Variants in KCNQ5 observed in about 807,000 individuals in gnomAD.
KCNQ5 encodes the protein potassium voltage-gated channel subfamily Q member 5.
Under a neutral mutation model 98.2 loss-of-function variants are expected in KCNQ5, and 30 were observed. That is an observed-to-expected ratio of 0.31 (90% CI 0.23 to 0.41). KCNQ5 has a LOEUF of 0.41. Among genes scored for constraint, KCNQ5 ranks in the 10% least tolerant of loss-of-function variants. The pLI, the probability that KCNQ5 is intolerant of heterozygous loss-of-function variation, is 1.00. For missense variants in KCNQ5, 835 were observed against 1,182.5 expected (o/e 0.71, Z 4.31); for synonymous variants, 458 against 449.4 (o/e 1.02, Z -0.24).
chr6:72,828,137 T>C (rs776290347), intron 1 of KCNQ5, among the ~76,000 whole-genome samples: 2 of 152,186 alleles, frequency 1.3e-5, no homozygotes, highest in African/African-American at 2.4e-5. Flanking sequence ...TGCAGGTTTG[T>C]AGTATATATT....
intron 1 of KCNQ5, among the ~76,000 whole-genome samples, chr6:72,997,441 T>C (rs896923275): frequency 2.6e-5 from 4 of 152,012 alleles, no homozygotes; most frequent in Admixed American, 2.6e-4. Context: ...TAAAATGCAA[T>C]ATTTCATTCT....
At chr6:73,120,188 A>G (rs1345694033) in intron 7 of KCNQ5, among the ~76,000 whole-genome samples, 3 of 152,080 alleles carry the variant, frequency 2.0e-5, no homozygotes, top group Admixed American at 2.0e-4. Context: ...AGAGATTGCA[A>G]TGAGCTGAGA....
intron 1 of KCNQ5, among the ~76,000 whole-genome samples, chr6:72,886,501 T>C (rs897902916): frequency 6.6e-5 from 10 of 152,032 alleles, no homozygotes; most frequent in Non-Finnish European, 1.5e-5. Context: ...TACAGAATTA[T>C]AAAGAAAAGG....
intron 2 of KCNQ5, among the ~76,000 whole-genome samples, chr6:73,014,713 T>C (rs918793763): frequency 6.6e-6 from 1 of 152,134 alleles, no homozygotes; most frequent in Non-Finnish European, 1.5e-5. Context: ...AAAGAAAATC[T>C]ATAGGGAATT....
At chr6:72,897,577 A>G (rs1174971227) in intron 1 of KCNQ5, among the ~76,000 whole-genome samples, 1 of 152,188 alleles carries the variant, frequency 6.6e-6, no homozygotes, top group East Asian at 1.9e-4. Context: ...TCACTCAGAG[A>G]TGAAACTTTT....
chr6:72,833,285 C>A (rs1776360519), intron 1 of KCNQ5, among the ~76,000 whole-genome samples: 1 of 152,102 alleles, frequency 6.6e-6, no homozygotes, highest in Admixed American at 6.6e-5. Context: ...ATAATGTGCC[C>A]ATCTCATAGG....
rs146052688 is a variant in KCNQ5, at chr6:73,059,727, C to T, written c.617-17595C>T. On this transcript the variant is annotated intron_variant, in intron 3 of 13. Transcript: ENST00000370398. ...AATTTTTTTAACAAGCAGAAGTTAA[C>T]GAAATGTATATTTTACCACTTGGGT... Among the ~76,000 whole-genome samples the T allele has an allele frequency of 3.0e-3, 453 of 151,776 alleles. 1 individual carries two copies. Among genetic ancestry groups the T allele is most frequent in the African/African-American group, 0.01 (429 of 41,402 alleles).
Position 72,622,935 on chromosome 6 carries a change from G to A in KCNQ5, c.398+348G>A, listed in dbSNP as rs551607450. ...AACTTCAACCGAACGGGGCGCCCGG[G>A]AGCTAGGGAATGCAAAGGGAGGACA... is the stretch of plus-strand genomic sequence containing the variant. On this transcript the variant is annotated intron_variant, in intron 1 of 13. Transcript: ENST00000370398. The surrounding 1 kb of genome is among the most constrained non-coding windows in gnomAD (Gnocchi z 6.0). Among the ~76,000 whole-genome samples, 1 of 152,254 alleles carries A rather than the reference G, an allele frequency of 6.6e-6. No homozygotes were observed. Among genetic ancestry groups the A allele is most frequent in the South Asian group, 2.1e-4 (1 of 4,818 alleles).
chr6:72,678,552 C>A (rs1250394806), intron 1 of KCNQ5: 2 of 152,032 alleles, frequency 1.3e-5, no homozygotes, highest in African/African-American at 4.8e-5. Context: ...AAAAGTAACA[C>A]TGGTCATATG....
intron 3 of KCNQ5, among the ~76,000 whole-genome samples, chr6:73,068,602 A>G (rs1582294044): frequency 6.6e-6 from 1 of 152,190 alleles, no homozygotes; most frequent in African/African-American, 2.4e-5. Context: ...TGAGGCACAG[A>G]AAGATTCAGT....
At chr6:73,012,078 T>TA (rs1770088255) in intron 2 of KCNQ5, among the ~76,000 whole-genome samples, 1 of 151,760 alleles carries the variant, frequency 6.6e-6, no homozygotes, top group Non-Finnish European at 1.5e-5. Context: ...CTCAAAAAAA[T>TA]AAAAAATAGA....
intron 1 of KCNQ5, among the ~76,000 whole-genome samples, chr6:72,641,471 A>G (rs1351962332): frequency 1.3e-5 from 2 of 152,134 alleles, no homozygotes; most frequent in Admixed American, 6.6e-5. Context: ...CTCTGTTTAT[A>G]TGCCCCAAAG....
At chr6:72,945,944 A>C (rs1766524963) in intron 1 of KCNQ5, among the ~76,000 whole-genome samples, 1 of 152,188 alleles carries the variant, frequency 6.6e-6, no homozygotes, top group Non-Finnish European at 1.5e-5. Context: ...AAGTAAGTAC[A>C]TGTAACCCTC....
At chr6:73,109,940 CT>C (rs1337607381) in intron 6 of KCNQ5, among the ~76,000 whole-genome samples, 1 of 152,112 alleles carries the variant, frequency 6.6e-6, no homozygotes, top group African/African-American at 2.4e-5. Flanking sequence ...CACTGATGTA[CT>C]CAGAAGTGTG....
chr6:73,002,832 A>G (rs1164540811), intron 1 of KCNQ5, among the ~76,000 whole-genome samples: 1 of 152,232 alleles, frequency 6.6e-6, no homozygotes, highest in East Asian at 1.9e-4. Flanking sequence ...TCCTGTAGGC[A>G]TAATTAGGCA....
intron 1 of KCNQ5, among the ~76,000 whole-genome samples, chr6:72,633,795 A>C (rs1046866908): frequency 6.6e-6 from 1 of 152,236 alleles, no homozygotes; most frequent in African/African-American, 2.4e-5. Context: ...AGGGCTCCCC[A>C]GTTCAATAAA....
At chr6:72,743,998 G>A (rs1771253239) in intron 1 of KCNQ5, among the ~76,000 whole-genome samples, 1 of 152,132 alleles carries the variant, frequency 6.6e-6, no homozygotes, top group African/African-American at 2.4e-5. Context: ...ATCCCTTTGA[G>A]ACCCAGCCTA....
At chr6:72,928,080 A>C (rs1487726233) in intron 1 of KCNQ5, among the ~76,000 whole-genome samples, 1 of 152,108 alleles carries the variant, frequency 6.6e-6, no homozygotes. Flanking sequence ...AAGCAACAAA[A>C]GTGTTGTCTC....
chr6:72,745,889 T>C (rs1771373205), intron 1 of KCNQ5, among the ~76,000 whole-genome samples: 1 of 152,136 alleles, frequency 6.6e-6, no homozygotes, highest in Admixed American at 6.5e-5. Flanking sequence ...TGTTGGCGTG[T>C]AGCCGCCTCA....
Sources: allele counts gnomAD v4.1 joint callset (sites outside exome capture counted in the v4.1 genomes callset), GRCh38; gene constraint gnomAD v4.1.1; non-coding constraint Gnocchi (gnomAD v3.1); transcripts MANE v1.5; gene names NCBI Gene and HGNC (gene_info 2026-07-23, HGNC 2026-07-21).